The following IGF1R variants were observed in gnomAD, a reference collection of about 807,000 sequenced individuals.
IGF1R encodes insulin like growth factor 1 receptor, also known as insulin-like growth factor 1 receptor.
IGF1R carries 44 observed loss-of-function variants against 144.6 expected under a neutral mutation model. The ratio of observed to expected loss-of-function variants is 0.30; its 90% CI spans 0.24 to 0.39. The LOEUF is 0.39. Among genes scored for constraint, IGF1R ranks in the 10% least tolerant of loss-of-function variants. IGF1R has a pLI of 1.00. For synonymous variants in IGF1R, 795 were observed against 722.8 expected (o/e 1.10, Z -1.60); for missense variants, 1,355 against 1,833.7 (o/e 0.74, Z 4.77).
intron 5 of IGF1R, among the ~76,000 whole-genome samples, chr15:98,903,403 G>C (rs4966038): frequency 0.29 from 43,761 of 152,164 alleles, 6,869 homozygotes; most frequent in East Asian, 0.43. Context: ...CCACTCGACT[G>C]TGCAACACGC....
intron 2 of IGF1R, among the ~76,000 whole-genome samples, chr15:98,709,876 G>A (rs772409467): frequency 6.6e-6 from 1 of 152,184 alleles, no homozygotes; most frequent in African/African-American, 2.4e-5. Context: ...AACTAGGTAG[G>A]TAGTTACTTT....
chr15:98,816,073 GGCCACCCCA>G (rs2056691002), intron 2 of IGF1R, among the ~76,000 whole-genome samples: 1 of 152,136 alleles, frequency 6.6e-6, no homozygotes, highest in South Asian at 2.1e-4. Context: ...TGCCCTTTCA[GGCCACCCCA>G]GCCACCCTAC....
intron 2 of IGF1R, among the ~76,000 whole-genome samples, chr15:98,851,015 A>G (rs1368153234): frequency 1.3e-5 from 2 of 152,192 alleles, no homozygotes; most frequent in African/African-American, 4.8e-5. Flanking sequence ...ACCATCTGCA[A>G]CCTTAACACA....
At chr15:98,898,363 A>G (rs947519943) in intron 4 of IGF1R, among the ~76,000 whole-genome samples, 1 of 152,206 alleles carries the variant, frequency 6.6e-6, no homozygotes, top group Non-Finnish European at 1.5e-5. Context: ...TGATGATGAA[A>G]TGTGTCTTCT....
At chr15:98,777,044 T>C (rs1389540513) in intron 2 of IGF1R, among the ~76,000 whole-genome samples, 1 of 152,220 alleles carries the variant, frequency 6.6e-6, no homozygotes, top group African/African-American at 2.4e-5. Context: ...TTGTTGCTGC[T>C]TTCAGCCTTG....
At chr15:98,804,778 A>G (rs778359330) in intron 2 of IGF1R, among the ~76,000 whole-genome samples, 6 of 152,122 alleles carry the variant, frequency 3.9e-5, no homozygotes, top group Admixed American at 1.3e-4. Flanking sequence ...GCTCACTGCA[A>G]CCTCCACATC....
At chr15:98,937,206 A>T (rs990814457) in intron 17 of IGF1R, among the ~76,000 whole-genome samples, 4 of 152,208 alleles carry the variant, frequency 2.6e-5, no homozygotes, top group African/African-American at 9.6e-5. Context: ...TTTAATACAC[A>T]AAACAGCATG....
intron 5 of IGF1R, among the ~76,000 whole-genome samples, chr15:98,902,300 C>T (rs1023217964): frequency 6.6e-6 from 1 of 152,080 alleles, no homozygotes; most frequent in Non-Finnish European, 1.5e-5. Flanking sequence ...TTCCCATGTG[C>T]ATATCACAAA....
chr15:98,688,050 T>C lies in IGF1R; in HGVS notation c.95-19512T>C, dbSNP rs144939121. Reference sequence around the variant, plus strand: ...GTGGTTTGTAGCATGGAACAGAGGCTGATGGGCGGGGAGTTTGAGTCCCAG... The same window carrying C: ...GTGGTTTGTAGCATGGAACAGAGGCCGATGGGCGGGGAGTTTGAGTCCCAG... On this transcript the variant is annotated intron_variant, in intron 1 of 20. Coordinates refer to ENST00000650285, the MANE Select transcript of IGF1R (RefSeq NM_000875.5). Among the ~76,000 whole-genome samples the C allele has an allele frequency of 1.8e-3, 273 of 152,260 alleles. No individual in the cohort carries two copies. The East Asian group carries it at 0.019, about 11-fold the overall frequency.
chr15:98,820,260 C>T (rs991598642), intron 2 of IGF1R, among the ~76,000 whole-genome samples: 1 of 152,018 alleles, frequency 6.6e-6, no homozygotes, highest in East Asian at 1.9e-4. Flanking sequence ...GAGTCACATA[C>T]GTAGGTAATT....
intron 1 of IGF1R, chr15:98,650,888 TTAG>T (rs1365639939): frequency 3.3e-5 from 32 of 983,254 alleles, no homozygotes; most frequent in African/African-American, 8.8e-5. Flanking sequence ...CGGGTGGGGG[TTAG>T]TAGGGAAGCG....
intron 15 of IGF1R, among the ~76,000 whole-genome samples, chr15:98,933,731 A>G (rs1192192792): frequency 2.0e-5 from 3 of 152,076 alleles, no homozygotes; most frequent in Non-Finnish European, 4.4e-5. Context: ...ATCTCTACCC[A>G]TTGGTCAAGG....
Position 98,935,379 on chromosome 15 carries a change from C to A in IGF1R, c.3250C>A (p.Arg1084=). 6.4e-7 allele frequency: 1 copy of A among 1,551,438 alleles called. No individual in the cohort carries two copies. The change falls in exon 17 of 21, where the codon CGG becomes AGG. Residue 1084 remains arginine, a synonymous_variant. Coordinates refer to ENST00000650285, the MANE Select transcript of IGF1R (RefSeq NM_000875.5). This position sits in a 1 kb window ranked among gnomAD's most constrained non-coding sequence, Gnocchi z 4.2. ...ACTGGTCATCATGGAACTGATGACA[C>A]GGGGCGATCTCAAAAGTTATCTCCG... ...PTLVIMELMT[R]GDLKSYLRSL... is the part of the protein sequence containing the mutation.
At chr15:98,741,650 C>T (rs998449242) in intron 2 of IGF1R, among the ~76,000 whole-genome samples, 15 of 152,194 alleles carry the variant, frequency 9.9e-5, no homozygotes, top group Admixed American at 2.6e-4. Context: ...AGCACTGCTC[C>T]GTCCTCCCGC....
intron 2 of IGF1R, among the ~76,000 whole-genome samples, chr15:98,811,364 CA>C (rs60239385): frequency 0.025 from 2,680 of 107,752 alleles, 63 homozygotes; most frequent in African/African-American, 0.071. Flanking sequence ...ACTAAAAATA[CA>C]AAAAAAAAAA....
intron 2 of IGF1R, among the ~76,000 whole-genome samples, chr15:98,860,014 C>T (rs1444383991): frequency 2.0e-5 from 3 of 152,176 alleles, no homozygotes; most frequent in African/African-American, 4.8e-5. Flanking sequence ...CTCCCGGGTT[C>T]AAGCAATTCT....
chr15:98,775,661 C>T (rs905036511), intron 2 of IGF1R, among the ~76,000 whole-genome samples: 1 of 152,210 alleles, frequency 6.6e-6, no homozygotes, highest in Admixed American at 6.5e-5. Flanking sequence ...CCTGTGGCCC[C>T]TGCTGGTGCT....
chr15:98,792,437 A>C (rs2141417634), intron 2 of IGF1R, among the ~76,000 whole-genome samples: 1 of 152,334 alleles, frequency 6.6e-6, no homozygotes, highest in Middle Eastern at 3.4e-3. Flanking sequence ...AATTAGCAAA[A>C]TCTTCCTATT....
intron 2 of IGF1R, among the ~76,000 whole-genome samples, chr15:98,858,421 G>T (rs1034707661): frequency 1.3e-5 from 2 of 152,132 alleles, no homozygotes; most frequent in Non-Finnish European, 2.9e-5. Flanking sequence ...GTGCTCTGGG[G>T]AAACATTGAA....
Sources: gnomAD v4.1 joint callset for allele counts (sites outside exome capture counted in the v4.1 genomes callset) on GRCh38, gnomAD v4.1.1 for gene constraint, Gnocchi (gnomAD v3.1) non-coding constraint, MANE v1.5 for transcripts, NCBI Gene and HGNC (gene_info 2026-07-23, HGNC 2026-07-21) for gene names.